BCL11A: variants seen among roughly 807,000 people sequenced by gnomAD.
BCL11A encodes the protein B cell CLL/lymphoma 11A.
BCL11A carries 2 observed loss-of-function variants against 55.9 expected under a neutral mutation model. The observed-to-expected ratio is 0.04, with a 90% CI of 0.01 to 0.11. BCL11A has a LOEUF of 0.11. Among genes scored for constraint, BCL11A ranks in the 10% least tolerant of loss-of-function variants. BCL11A has a pLI of 1.00. For missense variants in BCL11A, 817 were observed against 1,137.1 expected (o/e 0.72, Z 4.05); for synonymous variants, 465 against 473.4 (o/e 0.98, Z 0.23).
At chr2:60,538,198 G>C (rs1669757632) in intron 2 of BCL11A, 1 of 152,220 alleles carries the variant, frequency 6.6e-6, no homozygotes. Context: ...TATATAATTT[G>C]TTGTTTAGCA....
intron 2 of BCL11A, among the ~76,000 whole-genome samples, chr2:60,515,005 TGA>T (rs1668670875): frequency 6.6e-6 from 1 of 152,126 alleles, no homozygotes; most frequent in South Asian, 2.1e-4. Flanking sequence ...CTCCCTCTGG[TGA>T]GACAGGCTCT....
chr2:60,548,484 A>C (rs1168169643), intron 1 of BCL11A, among the ~76,000 whole-genome samples: 1 of 152,228 alleles, frequency 6.6e-6, no homozygotes, highest in Admixed American at 6.5e-5. Context: ...GTAGTGACTG[A>C]ACTGATTTAC....
chr2:60,467,636 G>A (rs1365559126), intron 3 of BCL11A, among the ~76,000 whole-genome samples: 2 of 86,812 alleles, frequency 2.3e-5, no homozygotes, highest in African/African-American at 4.6e-5. Flanking sequence ...AATGGTGGTG[G>A]TGGTGATGGT....
At chr2:60,489,528 CACAA>C (rs1678496698) in intron 2 of BCL11A, among the ~76,000 whole-genome samples, 1 of 152,220 alleles carries the variant, frequency 6.6e-6, no homozygotes, top group South Asian at 2.1e-4. Flanking sequence ...AGTGACCAGC[CACAA>C]ACAAAAGCTT....
At chr2:60,549,645 G>A (rs1670311729) in intron 1 of BCL11A, 4 of 152,174 alleles carry the variant, frequency 2.6e-5, no homozygotes, top group Admixed American at 2.0e-4. Context: ...GGAGACGGAG[G>A]GCAGCCAGGG....
At chr2:60,513,097 C>T (rs901301068) in intron 2 of BCL11A, among the ~76,000 whole-genome samples, 2 of 152,164 alleles carry the variant, frequency 1.3e-5, no homozygotes, top group Non-Finnish European at 2.9e-5. Context: ...GTTCAGGGAT[C>T]ATGAGGACTC....
downstream of BCL11A, among the ~76,000 whole-genome samples, chr2:60,456,288 A>G (rs753924871): frequency 4.6e-5 from 7 of 152,256 alleles, no homozygotes; most frequent in Non-Finnish European, 8.8e-5. Flanking sequence ...GGGACACGAT[A>G]TCACAGAGGT....
In BCL11A at chr2:60,460,202, A is replaced by T; in HGVS notation, c.*202T>A. On this transcript the variant is annotated 3_prime_UTR_variant, in exon 4 of 4. Transcript: ENST00000642384. Reference sequence around the variant, plus strand: ...AAAAAAGGAAAAAGAAAAAAGAAAAAGAAAAAGAAAAAAAACAGGTGTGCT... The same window carrying T: ...AAAAAAGGAAAAAGAAAAAAGAAAATGAAAAAGAAAAAAAACAGGTGTGCT... The T allele has an allele frequency of 7.7e-7, 1 of 1,307,110 alleles. No individual in the cohort carries two copies. The highest frequency in any genetic ancestry group is 9.7e-7 in the Non-Finnish European group (1 of 1,031,218). The allele number at this position is 1,307,110 out of a possible 1,614,324, so 81.0% of individuals were successfully genotyped here.
In BCL11A at chr2:60,461,070, C is replaced by G. The variant is rs779536051; in HGVS notation, c.1842G>C (p.Ser614=). ...GRGCSPGESA[S]GGLSKKLLLG... ...GCAGCAGCTTTTTGGACAGGCCCCCCGAGGCCGACTCGCCCGGGGAGCAGC... is the reference window on the plus strand; with the variant it reads ...GCAGCAGCTTTTTGGACAGGCCCCCGGAGGCCGACTCGCCCGGGGAGCAGC... Residue 614 remains serine, a synonymous_variant, in exon 4 of 4, where the codon TCG becomes TCC. Coordinates refer to ENST00000642384, the MANE Select transcript of BCL11A (RefSeq NM_022893.4). 1.9e-6 allele frequency: 3 copies of G among 1,603,534 alleles called. No homozygotes were observed. The highest frequency in any genetic ancestry group is 4.5e-5 in the East Asian group (2 of 44,716).
chr2:60,550,507 T>G (rs2104782289), intron 1 of BCL11A, among the ~76,000 whole-genome samples: 1 of 151,616 alleles, frequency 6.6e-6, no homozygotes. Context: ...TTTCTTGATC[T>G]TGTTCTGCCT....
chr2:60,463,513 G>A (rs1415838779), intron 3 of BCL11A, among the ~76,000 whole-genome samples: 1 of 152,342 alleles, frequency 6.6e-6, no homozygotes, highest in East Asian at 1.9e-4. Context: ...CTGGCCAGTA[G>A]CCAAGCCGTC....
At chr2:60,512,958 T>G (rs535379094) in intron 2 of BCL11A, among the ~76,000 whole-genome samples, 1 of 152,018 alleles carries the variant, frequency 6.6e-6, no homozygotes, top group Non-Finnish European at 1.5e-5. Context: ...TCTCAGAGAT[T>G]AACATTTTCT....
chr2:60,485,767 C>G (rs929170122), intron 2 of BCL11A, among the ~76,000 whole-genome samples: 1 of 152,174 alleles, frequency 6.6e-6, no homozygotes, highest in Non-Finnish European at 1.5e-5. Flanking sequence ...TTGTGAACTA[C>G]GGGCTGAGCT....
At chr2:60,468,507 C>A (rs1253860223) in intron 3 of BCL11A, among the ~76,000 whole-genome samples, 1 of 152,180 alleles carries the variant, frequency 6.6e-6, no homozygotes, top group African/African-American at 2.4e-5. Context: ...CAGGGATGAG[C>A]TACTATCAGC....
At position 60,461,403 on chromosome 2, in the gene BCL11A, CTCCTCCTCCTCT is replaced by C. The variant is rs1676275402; in HGVS notation, c.1497_1508del (p.Glu501_Glu504del). ...CCACCCTCTCGCTCTCCGTCAGCTCCTCCTCCTCCTCTTCCTCCTCTTCTTCCTCTTCCTCGT... is the reference window on the plus strand; with the variant it reads ...CCACCCTCTCGCTCTCCGTCAGCTCCTCCTCCTCTTCTTCCTCTTCCTCGT... On this transcript the variant is annotated inframe_deletion, in exon 4 of 4. Coordinates refer to ENST00000642384, the MANE Select transcript of BCL11A (RefSeq NM_022893.4). The C allele has an allele frequency of 6.2e-7, 1 of 1,605,136 alleles. No homozygotes were observed. Among genetic ancestry groups the C allele is most frequent in the African/African-American group, 1.3e-5 (1 of 74,858 alleles).
intron 2 of BCL11A, among the ~76,000 whole-genome samples, chr2:60,519,844 A>G (rs1483875052): frequency 6.6e-6 from 1 of 152,208 alleles, no homozygotes; most frequent in Non-Finnish European, 1.5e-5. Context: ...AGTGAAGACA[A>G]AGAGATCGTT....
chr2:60,482,384 T>G (rs991951566), intron 2 of BCL11A, among the ~76,000 whole-genome samples: 3 of 152,076 alleles, frequency 2.0e-5, no homozygotes, highest in Non-Finnish European at 4.4e-5. Flanking sequence ...GAAATGGAGC[T>G]TTTTTCTTGG....
intron 2 of BCL11A, among the ~76,000 whole-genome samples, chr2:60,507,203 GAAGA>G (rs2104449069): frequency 9.2e-6 from 1 of 108,978 alleles, no homozygotes; most frequent in African/African-American, 5.0e-5. Context: ...GCAAGACAAG[GAAGA>G]AAGGAAGGAA....
intron 3 of BCL11A, among the ~76,000 whole-genome samples, chr2:60,463,259 A>C (rs1344721265): frequency 6.6e-6 from 1 of 152,244 alleles, no homozygotes; most frequent in Non-Finnish European, 1.5e-5. Flanking sequence ...GACAAATGCA[A>C]GTCTGGAAAA....
Sources: gnomAD v4.1 joint callset for allele counts (sites outside exome capture counted in the v4.1 genomes callset) on GRCh38, gnomAD v4.1.1 for gene constraint, MANE v1.5 for transcripts, NCBI Gene and HGNC (gene_info 2026-07-23, HGNC 2026-07-21) for gene names.